GSTT4: variants seen among roughly 807,000 people sequenced by gnomAD.
GSTT4 encodes the protein glutathione S-transferase theta-4.
downstream of GSTT4, among the ~76,000 whole-genome samples, chr22:23,997,252 A>G (rs1363076121): frequency 2.0e-5 from 3 of 151,610 alleles, no homozygotes; most frequent in East Asian, 1.9e-4. Context: ...AGGTTCTTCT[A>G]TGTGCCCAGG....
intron 2 of GSTT4, among the ~76,000 whole-genome samples, chr22:24,003,556 G>T (rs2034283768): frequency 6.6e-6 from 1 of 152,286 alleles, no homozygotes; most frequent in Non-Finnish European, 1.5e-5. Context: ...CAGGGGAATA[G>T]AAATGATGTA....
the GSTT4 span, among the ~76,000 whole-genome samples, chr22:23,992,144 G>C: frequency 1.4e-5 from 2 of 140,988 alleles, no homozygotes; most frequent in Non-Finnish European, 1.6e-5. Context: ...ACGGAGGCCA[G>C]AGAGGAAGGG....
the GSTT4 span, among the ~76,000 whole-genome samples, chr22:23,990,997 C>T: frequency 2.1e-5 from 2 of 95,862 alleles, no homozygotes; most frequent in African/African-American, 6.5e-5. Context: ...ACAGCAAGAC[C>T]TCCTCTCAAT....
chr22:24,001,689 T>C (rs2034233887), intron 2 of GSTT4, among the ~76,000 whole-genome samples: 3 of 152,230 alleles, frequency 2.0e-5, no homozygotes, highest in Non-Finnish European at 2.9e-5. Flanking sequence ...AAGATCCTTT[T>C]TCAAAAACAA....
chr22:23,999,433 C>A (rs2034178840), intron 4 of GSTT4, among the ~76,000 whole-genome samples: 1 of 137,906 alleles, frequency 7.3e-6, no homozygotes, highest in Admixed American at 7.5e-5. Context: ...CACCAGGACC[C>A]CAGGTCCCTC....
chr22:23,997,662 T>C (rs2034130584), downstream of GSTT4, among the ~76,000 whole-genome samples: 2 of 152,186 alleles, frequency 1.3e-5, no homozygotes, highest in South Asian at 4.1e-4. Context: ...TATTTTCTAT[T>C]TCATTTATCT....
chr22:23,999,343 A>G, intron 4 of GSTT4, among the ~76,000 whole-genome samples: 1 of 151,184 alleles, frequency 6.6e-6, no homozygotes, highest in Non-Finnish European at 1.5e-5. Context: ...CTGCCCTGCA[A>G]ACAGACCAAG....
At chr22:23,997,701 T>C (rs2034130863), downstream of GSTT4, among the ~76,000 whole-genome samples, 1 of 152,202 alleles carries the variant, frequency 6.6e-6, no homozygotes. Flanking sequence ...TTTCCTGTTT[T>C]CTAGTGGTGT....
At chr22:23,989,607 C>T in the GSTT4 span, among the ~76,000 whole-genome samples, 1 of 149,316 alleles carries the variant, frequency 6.7e-6, no homozygotes, top group Non-Finnish European at 1.5e-5. Flanking sequence ...ACCCCAGAGT[C>T]CCAGCCAAAC....
chr22:24,002,210 G>A (rs2034245357), intron 2 of GSTT4, among the ~76,000 whole-genome samples: 2 of 152,266 alleles, frequency 1.3e-5, no homozygotes, highest in Non-Finnish European at 2.9e-5. Flanking sequence ...TATAAGCCAG[G>A]GCATGAAAGG....
chr22:23,995,092 T>C (rs2034102619), downstream of GSTT4, among the ~76,000 whole-genome samples: 1 of 152,142 alleles, frequency 6.6e-6, no homozygotes, highest in African/African-American at 2.4e-5. Context: ...TGTTTGTAGC[T>C]GTTAAGGCTG....
At chr22:23,991,776 T>C in the GSTT4 span, among the ~76,000 whole-genome samples, 31,103 of 132,786 alleles carry the variant, frequency 0.23, 1,070 homozygotes, top group African/African-American at 0.44. Flanking sequence ...GAGGAGAGGC[T>C]GGGCGCGGTG....
downstream of GSTT4, among the ~76,000 whole-genome samples, chr22:23,997,355 T>G (rs2034126287): frequency 6.6e-6 from 1 of 152,058 alleles, no homozygotes; most frequent in South Asian, 2.1e-4. Flanking sequence ...TAGCTAAGAC[T>G]ACAGGCTTGC....
At chr22:23,998,914 G>A (rs930112901) in intron 4 of GSTT4, among the ~76,000 whole-genome samples, 175 bp from the exon 5 acceptor site, 2 of 152,250 alleles carry the variant, frequency 1.3e-5, no homozygotes, top group Non-Finnish European at 2.9e-5. Flanking sequence ...GGTGGGGATG[G>A]AGGATCCAGA....
downstream of GSTT4, among the ~76,000 whole-genome samples, chr22:23,995,207 A>C (rs1218719568): frequency 1.3e-5 from 2 of 151,612 alleles, no homozygotes; most frequent in Non-Finnish European, 2.9e-5. Context: ...ATCTTGGCTC[A>C]CTGCAATCTC....
rs961077543 is a variant in GSTT4 at position 23,998,437 on chromosome 22, GTTGTTTTTTTGTTTTT to G, written c.*89_*104del. On this transcript the variant is annotated 3_prime_UTR_variant, in exon 5 of 5. Coordinates refer to ENST00000621179, the MANE Select transcript of GSTT4 (RefSeq NM_001358664.2). ...CCAGTTCTTTATTAGGCAAAGAACAGTTGTTTTTTTGTTTTTTTGTTTTTTTTTTTTTAACATTTCC... is the reference window on the plus strand; with the variant it reads ...CCAGTTCTTTATTAGGCAAAGAACAGTTGTTTTTTTTTTTTTAACATTTCC... 3.4e-5 allele frequency: 5 copies of G among 146,726 alleles called. No individual in the cohort carries two copies. The highest frequency in any genetic ancestry group is 2.1e-4 in the Admixed American group (3 of 14,006). The allele number at this position is 146,726 out of a possible 1,614,324, so 9.1% of individuals were successfully genotyped here.
the GSTT4 span, among the ~76,000 whole-genome samples, chr22:23,992,052 CAAAAAAAAA>C: frequency 7.0e-5 from 5 of 71,200 alleles, no homozygotes; most frequent in South Asian, 1.4e-3. Context: ...TACTCCGTCT[CAAAAAAAAA>C]AAAAAAAAAA....
chr22:23,991,041 G>T, the GSTT4 span, among the ~76,000 whole-genome samples: 1 of 76,456 alleles, frequency 1.3e-5, no homozygotes, highest in Non-Finnish European at 3.2e-5. Flanking sequence ...GGCCAGGCAT[G>T]TCGGTGGGCA....
chr22:23,991,780 C>T, the GSTT4 span, among the ~76,000 whole-genome samples: 2 of 141,404 alleles, frequency 1.4e-5, no homozygotes, highest in East Asian at 2.1e-4. Context: ...AGAGGCTGGG[C>T]GCGGTGGCTC....
Sources: allele counts gnomAD v4.1 joint callset (sites outside exome capture counted in the v4.1 genomes callset), GRCh38; gene constraint gnomAD v4.1.1; transcripts MANE v1.5; gene names NCBI Gene and HGNC (gene_info 2026-07-23, HGNC 2026-07-21).